KIAA1586: variants seen among roughly 807,000 people sequenced by gnomAD.
The protein encoded by KIAA1586 is KIAA1586, also known as E3 SUMO-protein ligase KIAA1586.
In KIAA1586, 5 loss-of-function variants were observed where a neutral mutation model predicts 6.1. That is an observed-to-expected ratio of 0.82 (90% confidence interval 0.43 to 1.73). KIAA1586 has a LOEUF of 1.73. Among genes scored for constraint, KIAA1586 ranks in the 40% most tolerant of loss-of-function variants. The pLI is 0.02. For synonymous variants in KIAA1586, 280 were observed against 301.7 expected (o/e 0.93, Z 0.75); for missense variants, 899 against 878.2 (o/e 1.02, Z -0.30).
At chr6:57,063,417 A>G in the KIAA1586 span, among the ~76,000 whole-genome samples, 1 of 146,690 alleles carries the variant, frequency 6.8e-6, no homozygotes, top group Non-Finnish European at 1.5e-5. Flanking sequence ...ACTTTTTTCT[A>G]TGCTGGAATC....
chr6:57,060,852 C>T, the KIAA1586 span, among the ~76,000 whole-genome samples: 1 of 152,128 alleles, frequency 6.6e-6, no homozygotes, highest in Non-Finnish European at 1.5e-5. Context: ...GCTCTTGCCA[C>T]GTTGCCCAGG....
chr6:57,059,977 T>C (rs904505555), downstream of KIAA1586, among the ~76,000 whole-genome samples: 1 of 152,220 alleles, frequency 6.6e-6, no homozygotes, highest in African/African-American at 2.4e-5. Context: ...AGTAATATAA[T>C]AACTTTCTAA....
At chr6:57,062,082 C>T in the KIAA1586 span, among the ~76,000 whole-genome samples, 98 of 152,054 alleles carry the variant, frequency 6.4e-4, no homozygotes, top group African/African-American at 2.0e-3. Context: ...TAGGCACGTG[C>T]CACCACGTTG....
the KIAA1586 span, among the ~76,000 whole-genome samples, chr6:57,066,285 G>A: frequency 1.3e-5 from 2 of 151,860 alleles, no homozygotes; most frequent in African/African-American, 2.4e-5. Flanking sequence ...TAAAAAAAAA[G>A]GAAAAAAATT....
chr6:57,054,288 AAATT>A lies in KIAA1586; in HGVS notation c.1790_1793del (p.Lys597IlefsTer10). ...AGATATTCCATTTAATAAAAACAAT[AAATT>A]TAATGCTCTTCCTAGGAGTATATTA... On this transcript the variant is annotated frameshift_variant, in exon 4 of 4. Transcript: ENST00000370733. LOFTEE classifies it low-confidence loss of function (END_TRUNC). 1 of 1,580,378 alleles carries A rather than the reference AAATT, an allele frequency of 6.3e-7. No individual in the cohort carries two copies. Among genetic ancestry groups the A allele is most frequent in the Non-Finnish European group, 8.6e-7 (1 of 1,166,186 alleles).
downstream of KIAA1586, among the ~76,000 whole-genome samples, chr6:57,056,533 A>G (rs1372738753): frequency 6.0e-5 from 9 of 151,050 alleles, no homozygotes. Flanking sequence ...CTTGCATGAA[A>G]GAATTAGGGT....
intron 2 of KIAA1586, among the ~76,000 whole-genome samples, chr6:57,048,623 C>T (rs189917835): frequency 6.6e-6 from 1 of 152,182 alleles, no homozygotes; most frequent in East Asian, 1.9e-4. Context: ...GTTTTTGTAA[C>T]GAGAAACATT....
At chr6:57,051,821 C>T (rs948822766) in intron 3 of KIAA1586, among the ~76,000 whole-genome samples, 1 of 152,066 alleles carries the variant, frequency 6.6e-6, no homozygotes, top group African/African-American at 2.4e-5. Flanking sequence ...ATAGTCCCAA[C>T]TAATTAGCCA....
At chr6:57,052,297 A>T (rs1352795751) in intron 3 of KIAA1586, among the ~76,000 whole-genome samples, 1 of 152,212 alleles carries the variant, frequency 6.6e-6, no homozygotes, top group African/African-American at 2.4e-5. Flanking sequence ...AATAATCTAG[A>T]AATGACCTCA....
the KIAA1586 span, among the ~76,000 whole-genome samples, chr6:57,063,158 T>C: frequency 5.3e-5 from 8 of 152,202 alleles, no homozygotes; most frequent in South Asian, 6.2e-4. Flanking sequence ...TTCATAGTTA[T>C]TCTGCCTCTG....
At chr6:57,060,887 G>A in the KIAA1586 span, among the ~76,000 whole-genome samples, 1 of 152,076 alleles carries the variant, frequency 6.6e-6, no homozygotes, top group East Asian at 1.9e-4. Context: ...CTGGCCTCAA[G>A]TGATCCTCCT....
At position 57,054,946 on chromosome 6, in the gene KIAA1586, A is replaced by G; in HGVS notation, c.*83A>G. The G allele has an allele frequency of 7.3e-7, 1 of 1,361,750 alleles. No individual in the cohort carries two copies. The highest frequency in any genetic ancestry group is 9.7e-7 in the Non-Finnish European group (1 of 1,031,740). 84.4% of individuals were successfully genotyped at this position (1,361,750 alleles called of 1,614,324 possible). A position where few individuals can be genotyped will look rare whatever the true frequency, so the allele number is the denominator to read the frequency against. The stretch of plus-strand genomic sequence containing the variant: ...ATAAAGGTCTTTTTTTTTTTTGGAA[A>G]GCCAGTTAAACTTTTATCAGCATGT... On this transcript the variant is annotated 3_prime_UTR_variant, in exon 4 of 4. Transcript: ENST00000370733.
chr6:57,065,574 C>A, the KIAA1586 span, among the ~76,000 whole-genome samples: 2 of 151,302 alleles, frequency 1.3e-5, no homozygotes, highest in Non-Finnish European at 2.9e-5. Context: ...GCAGCCTCGA[C>A]CTTCTGGGCT....
Position 57,054,208 on chromosome 6 carries a change from G to A in KIAA1586, c.1709G>A (p.Gly570Asp). The change falls in exon 4 of 4, where the codon GGT (glycine) becomes GAT (aspartate). Residue 570 changes from glycine (G) to aspartate (D), a missense_variant. Gly to Asp is a moderately conservative substitution (Grantham distance 94). Coordinates refer to ENST00000370733, the MANE Select transcript of KIAA1586 (RefSeq NM_020931.4). ...TIRALENLKI[G>D]TGKYESQIED... ...AGAGCTTTGGAAAATTTAAAAATTGGTACTGGAAAGTATGAATCTCAAATT... is the reference window on the plus strand; with the variant it reads ...AGAGCTTTGGAAAATTTAAAAATTGATACTGGAAAGTATGAATCTCAAATT... 1.3e-6 allele frequency: 2 copies of A among 1,593,104 alleles called. No individual in the cohort carries two copies. Among genetic ancestry groups the A allele is most frequent in the African/African-American group, 1.4e-5 (1 of 73,394 alleles).
chr6:57,062,457 TAA>T, the KIAA1586 span, among the ~76,000 whole-genome samples: 1 of 152,222 alleles, frequency 6.6e-6, no homozygotes, highest in Non-Finnish European at 1.5e-5. Flanking sequence ...AAACTCCTAT[TAA>T]GAGTCACATC....
intron 3 of KIAA1586, 33 bp downstream of exon 3, chr6:57,050,887 T>A: frequency 6.9e-7 from 1 of 1,453,660 alleles, no homozygotes; most frequent in Non-Finnish European, 9.7e-7. Flanking sequence ...TGTTCAGTTT[T>A]CTTATTAAGT....
chr6:57,050,942 A>G (rs1828306497), intron 3 of KIAA1586, 88 bp downstream of exon 3: 1 of 989,118 alleles, frequency 1.0e-6, no homozygotes, highest in African/African-American at 1.6e-5. Context: ...ATAAGAACTA[A>G]TTGTTGGCCA....
chr6:57,061,662 T>A, the KIAA1586 span, among the ~76,000 whole-genome samples: 1 of 152,126 alleles, frequency 6.6e-6, no homozygotes, highest in Non-Finnish European at 1.5e-5. Context: ...AATGCCGGGA[T>A]TACAGGTGTG....
At chr6:57,051,485 A>G (rs1828323778) in intron 3 of KIAA1586, among the ~76,000 whole-genome samples, 1 of 151,720 alleles carries the variant, frequency 6.6e-6, no homozygotes, top group Non-Finnish European at 1.5e-5. Flanking sequence ...CCCCATTGTA[A>G]TCAGTAAAAT....
Sources: allele counts gnomAD v4.1 joint callset (sites outside exome capture counted in the v4.1 genomes callset), GRCh38; gene constraint gnomAD v4.1.1; transcripts MANE v1.5; gene names NCBI Gene and HGNC (gene_info 2026-07-23, HGNC 2026-07-21).